TIAM1: variants seen among roughly 807,000 people sequenced by gnomAD.
TIAM1 encodes rho guanine nucleotide exchange factor TIAM1.
In TIAM1, 65 loss-of-function variants were observed where a neutral mutation model predicts 163.5. The ratio of observed to expected loss-of-function variants is 0.40; its 90% CI spans 0.33 to 0.49. The LOEUF is 0.49. Ranked by LOEUF, TIAM1 falls within the 20% of genes least tolerant of loss-of-function variation. TIAM1 has a pLI of 0.77. For missense variants in TIAM1, 1,789 were observed against 2,044.7 expected (o/e 0.87, Z 2.41); for synonymous variants, 833 against 810.1 (o/e 1.03, Z -0.48).
intron 15 of TIAM1, among the ~76,000 whole-genome samples, chr21:31,171,020 A>G (rs1355952526): frequency 1.6e-5 from 2 of 125,926 alleles, no homozygotes; most frequent in African/African-American, 6.4e-5. Context: ...TGGGTGACAG[A>G]GTGAGACTCC....
intron 26 of TIAM1, among the ~76,000 whole-genome samples, 193 bp from the exon 27 acceptor site, chr21:31,124,887 C>T (rs1686034062): frequency 6.6e-6 from 1 of 152,190 alleles, no homozygotes; most frequent in Admixed American, 6.5e-5. Context: ...TCCCTTCATG[C>T]TTTGTGATCT....
intron 15 of TIAM1, among the ~76,000 whole-genome samples, chr21:31,180,832 G>A (rs1323629009): frequency 1.3e-5 from 2 of 152,212 alleles, no homozygotes; most frequent in Non-Finnish European, 1.5e-5. Context: ...ATTGGGATGT[G>A]GGGACCACAA....
At position 31,536,867 on chromosome 21, in the gene TIAM1, T is replaced by G. The variant is rs374218099; in HGVS notation, c.-422+22060A>C. On this transcript the variant is annotated intron_variant, in intron 1 of 28. Transcript: ENST00000286827. ...AGATGGCAGGGACCAGGAGGCCATG[T>G]TCAGGAGAGAGGGCAAGAAGAGGGC... 6.6e-4 allele frequency among the ~76,000 whole-genome samples: 101 copies of G among 152,312 alleles called. 1 individual carries two copies. The South Asian group carries it at 9.5e-3, about 14-fold the overall frequency.
chr21:31,449,578 A>C (rs1030314201), intron 2 of TIAM1, among the ~76,000 whole-genome samples: 6 of 151,946 alleles, frequency 3.9e-5, no homozygotes, highest in Non-Finnish European at 8.8e-5. Context: ...GGGTTTCACC[A>C]TGTTGGTCAG....
chr21:31,467,886 G>C (rs1413130409), intron 1 of TIAM1, among the ~76,000 whole-genome samples: 1 of 151,670 alleles, frequency 6.6e-6, no homozygotes, highest in African/African-American at 2.4e-5. Flanking sequence ...AGGAGTTTGA[G>C]ACCAGCCTGG....
At chr21:31,333,550 G>A (rs1569234017) in intron 2 of TIAM1, among the ~76,000 whole-genome samples, 2 of 151,974 alleles carry the variant, frequency 1.3e-5, no homozygotes, top group African/African-American at 4.8e-5. Flanking sequence ...CAATCCTCCC[G>A]CCTCAGCTTC....
intron 6 of TIAM1, among the ~76,000 whole-genome samples, chr21:31,228,241 A>AATAATCTGATAAGGATTTTTCCTTT (rs2088144418): frequency 2.1e-5 from 1 of 46,728 alleles, no homozygotes; most frequent in African/African-American, 4.5e-5. Flanking sequence ...AAAAAAAAAA[A>AATAATCTGATAAGGATTTTTCCTTT]AAAAAAAAAA....
chr21:31,128,606 A>T (rs550968229), intron 25 of TIAM1, among the ~76,000 whole-genome samples: 53 of 152,332 alleles, frequency 3.5e-4, no homozygotes, highest in African/African-American at 1.3e-3. Flanking sequence ...CAAACCTCAA[A>T]ATGCTATGTA....
intron 4 of TIAM1, among the ~76,000 whole-genome samples, chr21:31,255,650 A>T (rs1330857665): frequency 1.3e-5 from 2 of 152,196 alleles, no homozygotes; most frequent in African/African-American, 4.8e-5. Context: ...TTTTGTAGCA[A>T]CTGCAAGGTA....
intron 2 of TIAM1, among the ~76,000 whole-genome samples, chr21:31,312,090 T>C (rs2074952251): frequency 6.6e-6 from 1 of 152,242 alleles, no homozygotes; most frequent in Non-Finnish European, 1.5e-5. Context: ...GACTGAAGGA[T>C]GCACTGTTGG....
At chr21:31,539,675 T>C (rs909150425) in intron 1 of TIAM1, among the ~76,000 whole-genome samples, 2 of 152,134 alleles carry the variant, frequency 1.3e-5, no homozygotes, top group Admixed American at 1.3e-4. Flanking sequence ...GAGGGCAATG[T>C]GGTGGCCCTG....
Position 31,470,403 on chromosome 21 carries a change from G to A in TIAM1, c.-421-6368C>T, listed in dbSNP as rs975986765. On this transcript the variant is annotated intron_variant, in intron 1 of 28. Coordinates refer to the TIAM1 transcript ENST00000286827. ...GGCTGGAGTGCAGTGGCACGATCTC[G>A]GCTCACTGCAACTTCTACCTCCAGG... Among the ~76,000 whole-genome samples the A allele has an allele frequency of 7.9e-5, 12 of 151,890 alleles. No individual in the cohort carries two copies. The East Asian group carries it at 9.7e-4, about 12-fold the overall frequency.
intron 1 of TIAM1, among the ~76,000 whole-genome samples, chr21:31,504,772 G>A (rs1490694043): frequency 1.3e-5 from 2 of 151,980 alleles, no homozygotes; most frequent in African/African-American, 2.4e-5. Flanking sequence ...AGTATTCATC[G>A]GCCTGCATTT....
At chr21:31,494,971 C>T (rs1000936343) in intron 1 of TIAM1, among the ~76,000 whole-genome samples, 3 of 152,156 alleles carry the variant, frequency 2.0e-5, no homozygotes, top group African/African-American at 7.2e-5. Context: ...ATTCTTCAGG[C>T]CACCACACTG....
chr21:31,182,738 G>A, intron 14 of TIAM1, 93 bp from the exon 15 acceptor site: 5 of 1,281,542 alleles, frequency 3.9e-6, no homozygotes, highest in Non-Finnish European at 5.3e-6. Flanking sequence ...ACCTGCTGTG[G>A]GTCTCACAGC....
rs927295483 is a variant in TIAM1 at position 31,375,372 on chromosome 21, G to A, written c.-368-35950C>T. 2.6e-5 allele frequency among the ~76,000 whole-genome samples: 4 copies of A among 152,168 alleles called. No homozygotes were observed. In the East Asian group the frequency reaches 7.7e-4, roughly 29 times the overall value. On this transcript the variant is annotated intron_variant, in intron 2 of 28. Transcript: ENST00000286827. ...TGCATGAATATGTATATATCTCCGT[G>A]TAGTATACACATATACATGTGTATG...
At chr21:31,482,354 G>C (rs575219419) in intron 1 of TIAM1, among the ~76,000 whole-genome samples, 1 of 151,896 alleles carries the variant, frequency 6.6e-6, no homozygotes, top group African/African-American at 2.4e-5. Context: ...GTTTCACCAC[G>C]CTGTCCAGGC....
intron 5 of TIAM1, 38 bp downstream of exon 5, chr21:31,251,704 G>C (rs1368893907): frequency 6.5e-7 from 1 of 1,536,420 alleles, no homozygotes; most frequent in East Asian, 2.3e-5. Flanking sequence ...ACCTCTATTG[G>C]TGCATTTGGC....
intron 2 of TIAM1, among the ~76,000 whole-genome samples, chr21:31,295,828 T>G (rs1245623616): frequency 6.6e-6 from 1 of 152,306 alleles, no homozygotes; most frequent in Non-Finnish European, 1.5e-5. Context: ...TTGTTTGTTT[T>G]TTGAGACGGA....
Sources: allele counts gnomAD v4.1 joint callset (sites outside exome capture counted in the v4.1 genomes callset), GRCh38; gene constraint gnomAD v4.1.1; transcripts MANE v1.5; gene names NCBI Gene and HGNC (gene_info 2026-07-23, HGNC 2026-07-21).